CDYL2: variants seen among roughly 807,000 people sequenced by gnomAD.
CDYL2 encodes the protein chromodomain Y like 2.
CDYL2 carries 23 observed loss-of-function variants against 49.4 expected under a neutral mutation model. The ratio of observed to expected loss-of-function variants is 0.47; its 90% CI spans 0.34 to 0.66. The LOEUF is 0.66. Among genes scored for constraint, CDYL2 ranks in the 30% least tolerant of loss-of-function variants. CDYL2 has a pLI of 0.01. For synonymous variants in CDYL2, 360 were observed against 268.8 expected, an observed-to-expected ratio of 1.34 and a Z score of -3.32; for missense variants, 678 against 656.4, an observed-to-expected ratio of 1.03 and a Z score of -0.36.
rs574260576 is a variant in CDYL2 at position 80,634,483 on chromosome 16, C to G, written c.617-1247G>C. On this transcript the variant is annotated intron_variant, in intron 2 of 6. Transcript: ENST00000570137. ...GACCCAGGGCGGGGAACATCACACA[C>G]CAGGGCCTGTCGTGGGGTGGGGACA... 2.6e-5 allele frequency among the ~76,000 whole-genome samples: 4 copies of G among 152,220 alleles called. No individual in the cohort carries two copies. The South Asian group carries it at 8.3e-4, about 32-fold the overall frequency.
rs556610233 is a variant in CDYL2 at position 80,631,148 on chromosome 16, G to C, written c.834+1871C>G. On this transcript the variant is annotated intron_variant, in intron 3 of 6. Transcript: ENST00000570137. ...GCCCTCCTGGCACCTACTTGGTTAA[G>C]CTGTGAGACCCTAGCCCAGTTGGGT... 2.0e-5 allele frequency among the ~76,000 whole-genome samples: 3 copies of C among 152,350 alleles called. No homozygotes were observed. The East Asian group carries it at 5.8e-4, about 29-fold the overall frequency.
intron 1 of CDYL2, among the ~76,000 whole-genome samples, chr16:80,701,876 C>T (rs1415711099): frequency 6.6e-6 from 1 of 152,052 alleles, no homozygotes; most frequent in Non-Finnish European, 1.5e-5. Flanking sequence ...GGCACTTCTA[C>T]AATAACATAC....
chr16:80,656,017 A>G (rs1425067255), intron 2 of CDYL2, among the ~76,000 whole-genome samples: 2 of 152,200 alleles, frequency 1.3e-5, no homozygotes, highest in Non-Finnish European at 2.9e-5. Flanking sequence ...TGCTAATGGG[A>G]GAAGCAAGGA....
chr16:80,648,088 A>G (rs1374742878), intron 2 of CDYL2, among the ~76,000 whole-genome samples: 2 of 152,088 alleles, frequency 1.3e-5, no homozygotes, highest in Admixed American at 6.6e-5. Flanking sequence ...CAACCTAACA[A>G]TGCATCTTAA....
intron 1 of CDYL2, among the ~76,000 whole-genome samples, chr16:80,701,049 T>C (rs1904297883): frequency 6.6e-6 from 1 of 152,156 alleles, no homozygotes; most frequent in South Asian, 2.1e-4. Context: ...AATAAACCCC[T>C]GCAGTCTTAA....
At chr16:80,629,726 G>A (rs1207894027) in intron 3 of CDYL2, among the ~76,000 whole-genome samples, 1 of 152,162 alleles carries the variant, frequency 6.6e-6, no homozygotes, top group African/African-American at 2.4e-5. Context: ...CTGCCCATGA[G>A]GCCAATCCAA....
intron 5 of CDYL2, among the ~76,000 whole-genome samples, chr16:80,609,269 A>G (rs77821872): frequency 0.024 from 3,614 of 152,288 alleles, 151 homozygotes; most frequent in African/African-American, 0.083. Flanking sequence ...GGTCAAATCC[A>G]TGTGATAGGG....
At chr16:80,716,177 T>C (rs1750608940) in intron 1 of CDYL2, among the ~76,000 whole-genome samples, 1 of 152,228 alleles carries the variant, frequency 6.6e-6, no homozygotes, top group African/African-American at 2.4e-5. Context: ...TCAGCTCAAA[T>C]ATCACTTCAT....
At chr16:80,665,320 C>G (rs1033271100) in intron 2 of CDYL2, among the ~76,000 whole-genome samples, 3 of 151,986 alleles carry the variant, frequency 2.0e-5, no homozygotes, top group Admixed American at 2.0e-4. Flanking sequence ...TACCTGCTCA[C>G]AGTTCACTGG....
chr16:80,696,807 A>C (rs1910630234), intron 1 of CDYL2, among the ~76,000 whole-genome samples: 1 of 152,120 alleles, frequency 6.6e-6, no homozygotes, highest in Admixed American at 6.5e-5. Context: ...AAGGACTCTA[A>C]AACTAATTCT....
chr16:80,760,362 T>A (rs1461729278), intron 1 of CDYL2, among the ~76,000 whole-genome samples: 1 of 151,968 alleles, frequency 6.6e-6, no homozygotes, highest in African/African-American at 2.4e-5. Context: ...GGAGGGGAGA[T>A]GGGGATAGTT....
At chr16:80,763,110 G>A (rs1329213259) in intron 1 of CDYL2, among the ~76,000 whole-genome samples, 2 of 151,974 alleles carry the variant, frequency 1.3e-5, no homozygotes, top group East Asian at 2.0e-4. Flanking sequence ...TGAGGCTGTA[G>A]TGAGCTGAGA....
chr16:80,755,198 T>A (rs1287293700), intron 1 of CDYL2, among the ~76,000 whole-genome samples: 1 of 152,168 alleles, frequency 6.6e-6, no homozygotes, highest in Non-Finnish European at 1.5e-5. Context: ...ACTCAGCAAA[T>A]GTAAATTTCT....
At chr16:80,679,140 A>C (rs1216212995) in intron 2 of CDYL2, among the ~76,000 whole-genome samples, 1 of 149,702 alleles carries the variant, frequency 6.7e-6, no homozygotes, top group African/African-American at 2.5e-5. Flanking sequence ...GAGGGATAGC[A>C]TTGGGAGATA....
At chr16:80,704,781 G>GA in intron 1 of CDYL2, among the ~76,000 whole-genome samples, 1 of 152,346 alleles carries the variant, frequency 6.6e-6, no homozygotes, top group Middle Eastern at 3.4e-3. Context: ...GAGTAACAGA[G>GA]AAAGGCCACG....
chr16:80,642,990 T>G (rs1457298978), intron 2 of CDYL2, among the ~76,000 whole-genome samples: 1 of 152,132 alleles, frequency 6.6e-6, no homozygotes, highest in Admixed American at 6.5e-5. Flanking sequence ...TTTAACTCAT[T>G]TCAGCATTAA....
chr16:80,612,510 A>G lies in CDYL2; in HGVS notation c.1218+116T>C. 9.5e-7 allele frequency: 1 copy of G among 1,051,630 alleles called. No individual in the cohort carries two copies. Among genetic ancestry groups the G allele is most frequent in the East Asian group, 2.4e-5 (1 of 41,278 alleles). 65.1% of individuals were successfully genotyped at this position (1,051,630 alleles called of 1,614,324 possible). ...AGGTGTGAAGGACATGAGGCAGCCAAGCCAATCTGCAGGCTGACAACACCC... is the reference window on the plus strand; with the variant it reads ...AGGTGTGAAGGACATGAGGCAGCCAGGCCAATCTGCAGGCTGACAACACCC... On this transcript the variant is annotated intron_variant, in intron 5 of 6. Coordinates refer to ENST00000570137, the MANE Select transcript of CDYL2 (RefSeq NM_152342.4). This position sits in a 1 kb window ranked among gnomAD's most constrained non-coding sequence, Gnocchi z 5.0.
rs543051063 is a variant in CDYL2, at chr16:80,687,074, C to G, written c.25-1945G>C. ...AGAACGCCAAGGATTTCTGGAAGAG[C>G]CTGCAGCTTTGCTCTTTTTGTGAAC... On this transcript the variant is annotated intron_variant, in intron 1 of 6. Coordinates refer to ENST00000570137, the MANE Select transcript of CDYL2 (RefSeq NM_152342.4). 3.3e-5 allele frequency among the ~76,000 whole-genome samples: 5 copies of G among 152,298 alleles called. No individual in the cohort carries two copies. In the East Asian group the frequency reaches 9.6e-4, roughly 29 times the overall value.
intron 1 of CDYL2, among the ~76,000 whole-genome samples, chr16:80,794,700 C>A (rs927104797): frequency 6.7e-6 from 1 of 150,216 alleles, no homozygotes; most frequent in Non-Finnish European, 1.5e-5. Context: ...CAACCTCCAC[C>A]TCCCAGGTTC....
Sources: gnomAD v4.1 joint callset for allele counts (sites outside exome capture counted in the v4.1 genomes callset) on GRCh38, gnomAD v4.1.1 for gene constraint, Gnocchi (gnomAD v3.1) non-coding constraint, MANE v1.5 for transcripts, NCBI Gene and HGNC (gene_info 2026-07-23, HGNC 2026-07-21) for gene names.